SLC35F4: variants seen among roughly 807,000 people sequenced by gnomAD.
SLC35F4 encodes chromosome 14 open reading frame 36.
SLC35F4 carries 24 observed loss-of-function variants against 44.2 expected under a neutral mutation model. The observed-to-expected ratio is 0.54, with a 90% confidence interval of 0.39 to 0.76. The LOEUF is 0.76. Among genes scored for constraint, SLC35F4 ranks in the 30% least tolerant of loss-of-function variants. SLC35F4 has a pLI of 0.00. For synonymous variants in SLC35F4, 238 were observed against 223.6 expected, an observed-to-expected ratio of 1.06 and a Z score of -0.57; for missense variants, 562 against 586.1, an observed-to-expected ratio of 0.96 and a Z score of 0.42.
chr14:57,638,815 C>T (rs930074684), intron 1 of SLC35F4, among the ~76,000 whole-genome samples: 3 of 152,030 alleles, frequency 2.0e-5, no homozygotes, highest in African/African-American at 7.2e-5. Context: ...AACCACCTCT[C>T]TTCCACTCTA....
At chr14:57,576,757 C>T (rs2068815845) in intron 4 of SLC35F4, among the ~76,000 whole-genome samples, 1 of 152,110 alleles carries the variant, frequency 6.6e-6, no homozygotes, top group African/African-American at 2.4e-5. Context: ...CCTCTCCCTA[C>T]ATGCATGGAT....
At chr14:57,816,573 T>C (rs990566340) in intron 1 of SLC35F4, among the ~76,000 whole-genome samples, 2 of 152,238 alleles carry the variant, frequency 1.3e-5, no homozygotes, top group Admixed American at 1.3e-4. Context: ...TTTACTGATG[T>C]AGTAACAACA....
chr14:57,919,441 G>A (rs143118057), intron 1 of SLC35F4, among the ~76,000 whole-genome samples: 8 of 152,300 alleles, frequency 5.3e-5, no homozygotes, highest in East Asian at 3.9e-4. Context: ...ATGCCAGGGC[G>A]AGTGTGAGTC....
chr14:57,644,389 A>T (rs1256009253), intron 1 of SLC35F4, among the ~76,000 whole-genome samples: 6 of 150,978 alleles, frequency 4.0e-5, no homozygotes, highest in African/African-American at 7.3e-5. Flanking sequence ...CATTTTTTCG[A>T]GTGTTTTTTG....
intron 1 of SLC35F4, among the ~76,000 whole-genome samples, chr14:57,893,869 A>G (rs1225484165): frequency 1.3e-5 from 2 of 152,196 alleles, no homozygotes; most frequent in Non-Finnish European, 2.9e-5. Flanking sequence ...CAGTTTAAGT[A>G]TATCACAATT....
chr14:57,858,712 TA>T (rs112879004), intron 1 of SLC35F4, among the ~76,000 whole-genome samples: 2 of 150,328 alleles, frequency 1.3e-5, no homozygotes, highest in African/African-American at 4.9e-5. Flanking sequence ...AGAATTACTA[TA>T]AAAAAAAGAA....
chr14:57,930,975 A>T (rs1038739438), intron 1 of SLC35F4, among the ~76,000 whole-genome samples: 22 of 152,366 alleles, frequency 1.4e-4, no homozygotes, highest in African/African-American at 5.3e-4. Context: ...ACTGGATGAG[A>T]AGTCAAGAAA....
intron 1 of SLC35F4, among the ~76,000 whole-genome samples, chr14:57,825,852 T>G (rs1442516943): frequency 6.6e-6 from 1 of 151,972 alleles, no homozygotes; most frequent in Non-Finnish European, 1.5e-5. Flanking sequence ...CTACCACCAC[T>G]CAAAGAAATC....
At chr14:57,602,783 AT>A (rs1472232556) in intron 1 of SLC35F4, among the ~76,000 whole-genome samples, 3 of 152,054 alleles carry the variant, frequency 2.0e-5, no homozygotes, top group Non-Finnish European at 4.4e-5. Flanking sequence ...ATCAAGACAT[AT>A]TTTCTCTGTT....
At position 57,822,394 on chromosome 14, in the gene SLC35F4, ACAGCAGTGATTACACTG is replaced by A. The variant is rs562227782; in HGVS notation, c.103+43312_103+43328del. The stretch of plus-strand genomic sequence containing the variant: ...AAGAAAATCAAGGTCAGCATTGTGA[ACAGCAGTGATTACACTG>A]CAGGGGTAAGGAATTAGCAGACAGT... On this transcript the variant is annotated intron_variant, in intron 1 of 7. Coordinates refer to ENST00000556826, the MANE Select transcript of SLC35F4 (RefSeq NM_001306087.2). Among the ~76,000 whole-genome samples the A allele has an allele frequency of 1.3e-4, 20 of 152,348 alleles. No individual in the cohort carries two copies. The East Asian group carries it at 3.5e-3, about 26-fold the overall frequency.
At chr14:57,911,002 T>C (rs1207538373) in intron 1 of SLC35F4, among the ~76,000 whole-genome samples, 1 of 152,058 alleles carries the variant, frequency 6.6e-6, no homozygotes, top group Admixed American at 6.6e-5. Flanking sequence ...TTACTAGACT[T>C]ATACCTATGT....
chr14:57,795,590 G>A (rs2078035205), intron 1 of SLC35F4, among the ~76,000 whole-genome samples: 1 of 152,068 alleles, frequency 6.6e-6, no homozygotes. Flanking sequence ...AGAACTATCA[G>A]CTACAGGAAA....
chr14:57,775,765 C>T (rs1297476260), intron 1 of SLC35F4, among the ~76,000 whole-genome samples: 2 of 152,196 alleles, frequency 1.3e-5, no homozygotes, highest in Non-Finnish European at 2.9e-5. Context: ...CAAATGATTG[C>T]ACTCGTTCTT....
At chr14:57,958,777 T>C (rs1411350156) in intron 1 of SLC35F4, among the ~76,000 whole-genome samples, 3 of 152,174 alleles carry the variant, frequency 2.0e-5, no homozygotes, top group Non-Finnish European at 4.4e-5. Flanking sequence ...CTCTCATACA[T>C]TGATGATAGG....
intron 1 of SLC35F4, among the ~76,000 whole-genome samples, chr14:57,820,687 A>G (rs1000826599): frequency 6.6e-6 from 1 of 152,222 alleles, no homozygotes; most frequent in Non-Finnish European, 1.5e-5. Flanking sequence ...CCTTTTTGGT[A>G]ACAGATAAAA....
chr14:57,613,564 T>G (rs1383407493), intron 1 of SLC35F4, among the ~76,000 whole-genome samples: 1 of 152,238 alleles, frequency 6.6e-6, no homozygotes, highest in Non-Finnish European at 1.5e-5. Flanking sequence ...AAGAGGTATT[T>G]CTAAGGCAGC....
At chr14:57,765,358 G>A (rs540413415) in intron 1 of SLC35F4, among the ~76,000 whole-genome samples, 2 of 152,350 alleles carry the variant, frequency 1.3e-5, no homozygotes, top group African/African-American at 4.8e-5. Flanking sequence ...TTACAGGCAA[G>A]ATAAAGATCC....
intron 1 of SLC35F4, among the ~76,000 whole-genome samples, chr14:57,762,396 A>G (rs1045014405): frequency 1.3e-5 from 2 of 152,148 alleles, no homozygotes; most frequent in Non-Finnish European, 2.9e-5. Flanking sequence ...GTAGTGCTAG[A>G]TCTTATCTAG....
intron 1 of SLC35F4, among the ~76,000 whole-genome samples, chr14:57,913,736 G>C (rs1409857965): frequency 3.9e-5 from 6 of 152,068 alleles, no homozygotes; most frequent in Non-Finnish European, 8.8e-5. Flanking sequence ...TTGTTTAAAT[G>C]CTTCTGTTTT....
Sources: gnomAD v4.1 joint callset for allele counts (sites outside exome capture counted in the v4.1 genomes callset) on GRCh38, gnomAD v4.1.1 for gene constraint, MANE v1.5 for transcripts, NCBI Gene and HGNC (gene_info 2026-07-23, HGNC 2026-07-21) for gene names.